The following PATJ variants were observed in gnomAD, a reference collection of about 807,000 sequenced individuals.
The protein encoded by PATJ is PATJ crumbs cell polarity complex component.
PATJ carries 190 observed loss-of-function variants against 224.9 expected under a neutral mutation model. The ratio of observed to expected loss-of-function variants is 0.84; its 90% CI spans 0.75 to 0.95. The LOEUF (loss-of-function observed/expected upper bound fraction) is 0.95, where lower values mean the gene tolerates loss of function less well. Among genes scored for constraint, PATJ ranks in the 40% least tolerant of loss-of-function variants. The pLI is 0.00. For missense variants in PATJ, 2,121 were observed against 2,270.3 expected (o/e 0.93, Z 1.34); for synonymous variants, 769 against 820.3 (o/e 0.94, Z 1.07).
chr1:61,938,162 C>T (rs1677177816), intron 27 of PATJ, among the ~76,000 whole-genome samples: 1 of 152,138 alleles, frequency 6.6e-6, no homozygotes, highest in Non-Finnish European at 1.5e-5. Context: ...ATAGTACCCT[C>T]CCACTCACCA....
chr1:61,838,823 A>T (rs887043546), intron 17 of PATJ, among the ~76,000 whole-genome samples: 4 of 152,034 alleles, frequency 2.6e-5, no homozygotes, highest in African/African-American at 9.7e-5. Context: ...TAATGTCTTT[A>T]TTCCTTAGAC....
intron 39 of PATJ, among the ~76,000 whole-genome samples, chr1:62,126,783 T>G (rs1426753177): frequency 6.6e-6 from 1 of 152,194 alleles, no homozygotes; most frequent in Non-Finnish European, 1.5e-5. Context: ...GAGAACATAC[T>G]TGCCAAGTCT....
intron 28 of PATJ, among the ~76,000 whole-genome samples, chr1:62,010,045 T>C (rs1420531269): frequency 7.3e-6 from 1 of 137,308 alleles, no homozygotes; most frequent in Admixed American, 7.6e-5. Context: ...ATCGTACCAT[T>C]GCACTCCAGC....
At chr1:62,002,863 T>C (rs1645872162) in intron 28 of PATJ, among the ~76,000 whole-genome samples, 1 of 152,180 alleles carries the variant, frequency 6.6e-6, no homozygotes. Context: ...GAGAAAAAGA[T>C]TTCTAGCAAC....
In PATJ at chr1:62,158,687, T is replaced by C. The variant is rs535994060; in HGVS notation, c.5503-2221T>C. On this transcript the variant is annotated intron_variant, in intron 43 of 43. Transcript: ENST00000642238. Reference sequence around the variant, plus strand: ...AGTGAGCCGAGATTGCACCACTGCATTCCAGCCTGGGCGACAGAGCGAGAC... The same window carrying C: ...AGTGAGCCGAGATTGCACCACTGCACTCCAGCCTGGGCGACAGAGCGAGAC... 2.3e-3 allele frequency among the ~76,000 whole-genome samples: 308 copies of C among 134,990 alleles called. 5 individuals carry two copies. The highest frequency in any genetic ancestry group is 5.1e-3 in the Admixed American group (61 of 12,012). The allele number at this position is 134,990 out of a possible 152,430, so 88.6% of individuals were successfully genotyped here.
intron 29 of PATJ, among the ~76,000 whole-genome samples, chr1:62,025,877 T>C (rs1647785818): frequency 6.6e-6 from 1 of 152,162 alleles, no homozygotes; most frequent in Admixed American, 6.6e-5. Flanking sequence ...TTAGGCCAAG[T>C]CATCCATTCC....
At chr1:61,765,383 T>C (rs1392103706) in intron 3 of PATJ, among the ~76,000 whole-genome samples, 1 of 151,612 alleles carries the variant, frequency 6.6e-6, no homozygotes, top group Non-Finnish European at 1.5e-5. Flanking sequence ...GGCCTAACAT[T>C]TATTCTGTTT....
At chr1:61,965,350 A>G (rs1010644341) in intron 27 of PATJ, among the ~76,000 whole-genome samples, 1 of 152,094 alleles carries the variant, frequency 6.6e-6, no homozygotes, top group Non-Finnish European at 1.5e-5. Context: ...AAAACTCAGT[A>G]GAGTTATTTT....
At chr1:62,102,678 C>A (rs1662324025) in intron 33 of PATJ, among the ~76,000 whole-genome samples, 2 of 151,738 alleles carry the variant, frequency 1.3e-5, no homozygotes, top group Admixed American at 1.3e-4. Flanking sequence ...CAAGGCAAAA[C>A]CCTGTCTCTA....
chr1:62,001,050 T>G (rs1414029555), intron 28 of PATJ, among the ~76,000 whole-genome samples: 8 of 152,162 alleles, frequency 5.3e-5, no homozygotes, highest in Admixed American at 5.2e-4. Context: ...GTTTTTTTCT[T>G]GTAAATTTGT....
At chr1:61,767,493 C>T (rs531343339) in intron 4 of PATJ, among the ~76,000 whole-genome samples, 4 of 151,718 alleles carry the variant, frequency 2.6e-5, no homozygotes, top group African/African-American at 4.8e-5. Flanking sequence ...GAGCTATGAT[C>T]GTACCACTGT....
At chr1:61,835,669 G>A (rs1400835053) in intron 17 of PATJ, among the ~76,000 whole-genome samples, 1 of 152,056 alleles carries the variant, frequency 6.6e-6, no homozygotes, top group African/African-American at 2.4e-5. Context: ...CTCCTAATGT[G>A]CTGGGATTGC....
At chr1:62,128,220 A>ACC in intron 40 of PATJ, 126 bp downstream of exon 40, 1 of 967,686 alleles carries the variant, frequency 1.0e-6, no homozygotes, top group Non-Finnish European at 1.6e-6. Context: ...TGAGGGCAAG[A>ACC]TGCATTAGAT....
chr1:62,033,978 A>G (rs1415620818), intron 29 of PATJ, among the ~76,000 whole-genome samples: 1 of 152,180 alleles, frequency 6.6e-6, no homozygotes, highest in Non-Finnish European at 1.5e-5. Flanking sequence ...ACACACATGC[A>G]GTGTTCCGTG....
chr1:61,808,315 T>C (rs1436637891), intron 13 of PATJ, among the ~76,000 whole-genome samples, 159 bp from the exon 14 acceptor site: 1 of 152,288 alleles, frequency 6.6e-6, no homozygotes, highest in East Asian at 1.9e-4. Context: ...CTCTGAAATT[T>C]CACATTATGT....
At chr1:61,949,644 C>T (rs1289684601) in intron 27 of PATJ, among the ~76,000 whole-genome samples, 2 of 152,216 alleles carry the variant, frequency 1.3e-5, no homozygotes, top group Non-Finnish European at 2.9e-5. Flanking sequence ...CAGCAGCTCA[C>T]ACCTGTAATC....
rs948722563 is a variant in PATJ at position 62,057,477 on chromosome 1, C to T, written c.4125+6419C>T. On this transcript the variant is annotated intron_variant, in intron 31 of 43. Coordinates refer to ENST00000642238, the MANE Select transcript of PATJ (RefSeq NM_001350145.3). ...GAGATGACTCCCAGTTCACTGTAGC[C>T]GCAGTGTGGCATCAGATAGAACAGG... 3.3e-4 allele frequency among the ~76,000 whole-genome samples: 51 copies of T among 152,240 alleles called. 1 individual carries two copies. Among genetic ancestry groups the T allele is most frequent in the Non-Finnish European group, 6.5e-4 (44 of 68,022 alleles).
intron 8 of PATJ, among the ~76,000 whole-genome samples, chr1:61,790,375 G>C (rs1385680756): frequency 6.6e-6 from 1 of 151,878 alleles, no homozygotes; most frequent in Non-Finnish European, 1.5e-5. Flanking sequence ...GCTTTCTATT[G>C]TTGTATAACA....
chr1:62,091,204 T>G (rs1235071707), intron 33 of PATJ, among the ~76,000 whole-genome samples: 1 of 152,164 alleles, frequency 6.6e-6, no homozygotes, highest in Admixed American at 6.5e-5. Context: ...CTATGCATTT[T>G]CCTTCCCTGA....
Sources: allele counts gnomAD v4.1 joint callset (sites outside exome capture counted in the v4.1 genomes callset), GRCh38; gene constraint gnomAD v4.1.1; transcripts MANE v1.5; gene names NCBI Gene and HGNC (gene_info 2026-07-23, HGNC 2026-07-21).